WWC1: variants seen among roughly 807,000 people sequenced by gnomAD.
WWC1 encodes the protein WW and C2 domain containing 1, also known as protein KIBRA.
Under a neutral mutation model 138.4 loss-of-function variants are expected in WWC1, and 55 were observed. The ratio of observed to expected loss-of-function variants is 0.40; its 90% CI spans 0.32 to 0.50. WWC1 has a LOEUF of 0.50. Ranked by LOEUF, WWC1 falls within the 20% of genes least tolerant of loss-of-function variation. WWC1 has a pLI of 0.72. For missense variants in WWC1, 1,226 were observed against 1,420.4 expected, an observed-to-expected ratio of 0.86 and a Z score of 2.20; for synonymous variants, 524 against 564.9, an observed-to-expected ratio of 0.93 and a Z score of 1.03.
chr5:168,338,043 G>A (rs1043027401), intron 1 of WWC1, among the ~76,000 whole-genome samples: 5 of 152,128 alleles, frequency 3.3e-5, no homozygotes, highest in African/African-American at 9.7e-5. Flanking sequence ...AGGCGCAGGG[G>A]CTCATGCCTG....
intron 1 of WWC1, among the ~76,000 whole-genome samples, chr5:168,331,564 G>A (rs1376412083): frequency 6.6e-6 from 1 of 152,204 alleles, no homozygotes; most frequent in Admixed American, 6.5e-5. Context: ...AGATGAACTT[G>A]TTTGTTTTGC....
At chr5:168,396,654 A>G (rs1778924246) in intron 3 of WWC1, among the ~76,000 whole-genome samples, 1 of 152,204 alleles carries the variant, frequency 6.6e-6, no homozygotes, top group South Asian at 2.1e-4. Flanking sequence ...ACCAGTTATG[A>G]GGCTCAGAGC....
intron 18 of WWC1, among the ~76,000 whole-genome samples, chr5:168,455,014 G>A (rs1305407385): frequency 6.6e-6 from 1 of 152,228 alleles, no homozygotes; most frequent in Non-Finnish European, 1.5e-5. Context: ...TACTTGGTTT[G>A]TAAGTTTTGG....
chr5:168,371,623 G>C, intron 2 of WWC1, 90 bp downstream of exon 2: 2 of 850,564 alleles, frequency 2.4e-6, no homozygotes, highest in Non-Finnish European at 3.8e-6. Flanking sequence ...AGAACCACTT[G>C]CAGACTCTTG....
intron 19 of WWC1, among the ~76,000 whole-genome samples, chr5:168,458,698 T>A (rs1249687801): frequency 6.6e-6 from 1 of 152,220 alleles, no homozygotes; most frequent in Non-Finnish European, 1.5e-5. Flanking sequence ...ATTTCACTGC[T>A]CTCTGCATCA....
Position 168,406,277 on chromosome 5 carries a change from A to G in WWC1, c.670A>G (p.Ile224Val), listed in dbSNP as rs1306016143. The change falls in exon 6 of 23, where the codon ATC becomes GTC. Residue 224 changes from isoleucine (I) to valine (V), a missense_variant. Ile to Val is a conservative substitution (Grantham distance 29). This residue lies in a region of WWC1 where 1,016 missense variants were observed against 1,153.9 expected (regional missense o/e 0.88). Transcript: ENST00000265293. The part of the protein sequence containing the change: ...AQAVLRETKA[I>V]KKAITCGEKE... ...GGCTGTCTTGAGAGAAACAAAAGCC[A>G]TCAAAAAGGCTATTACCTGTGGGGA... 6.2e-7 allele frequency: 1 copy of G among 1,614,124 alleles called. No homozygotes were observed. The highest frequency in any genetic ancestry group is 8.5e-7 in the Non-Finnish European group (1 of 1,179,966).
rs539438852 is a variant in WWC1 at position 168,296,079 on chromosome 5, C to G, written c.119+3808C>G. On this transcript the variant is annotated intron_variant, in intron 1 of 22. Transcript: ENST00000265293. ...GTAACTCTGGGTGCTTTTGTGAGCT[C>G]TAGCGAAGGGGCCAGCGTCCTGTGT... Among the ~76,000 whole-genome samples the G allele has an allele frequency of 2.2e-4, 33 of 152,296 alleles. No homozygotes were observed. The East Asian group carries it at 5.2e-3, about 24-fold the overall frequency.
intron 1 of WWC1, among the ~76,000 whole-genome samples, chr5:168,293,007 C>G (rs1769200620): frequency 6.6e-6 from 1 of 152,192 alleles, no homozygotes; most frequent in Non-Finnish European, 1.5e-5. Flanking sequence ...TTTCTCCTCT[C>G]TTTCTTCCCT....
chr5:168,457,140 ATT>A (rs34063177), intron 19 of WWC1, among the ~76,000 whole-genome samples: 14,822 of 119,574 alleles, frequency 0.12, 1,332 homozygotes, highest in African/African-American at 0.28. Flanking sequence ...TAGAAAGGGC[ATT>A]TTTTTTTTTT....
chr5:168,403,362 G>C (rs567895076), intron 5 of WWC1, among the ~76,000 whole-genome samples: 5 of 152,242 alleles, frequency 3.3e-5, no homozygotes, highest in Non-Finnish European at 7.4e-5. Flanking sequence ...CTCCCAAAGT[G>C]CTGGGATTAC....
At chr5:168,428,933 C>A in intron 13 of WWC1, 146 bp downstream of exon 13, 1 of 725,484 alleles carries the variant, frequency 1.4e-6, no homozygotes, top group Non-Finnish European at 2.3e-6. Context: ...AGCTTCTTAA[C>A]TGAAGGGATG....
At chr5:168,335,645 T>G (rs1344059623) in intron 1 of WWC1, among the ~76,000 whole-genome samples, 2 of 152,216 alleles carry the variant, frequency 1.3e-5, no homozygotes, top group African/African-American at 4.8e-5. Flanking sequence ...GTGGAAGTGC[T>G]GGGATAGAAT....
At chr5:168,459,745 A>G (rs1756636659) in intron 19 of WWC1, among the ~76,000 whole-genome samples, 1 of 152,168 alleles carries the variant, frequency 6.6e-6, no homozygotes, top group Non-Finnish European at 1.5e-5. Flanking sequence ...ATTATCAATA[A>G]CCACAGAAAC....
intron 17 of WWC1, among the ~76,000 whole-genome samples, chr5:168,451,106 C>T (rs1425869381): frequency 2.0e-5 from 3 of 151,624 alleles, no homozygotes; most frequent in Non-Finnish European, 4.4e-5. Context: ...GCAATCTCCA[C>T]CTCCCGGATT....
chr5:168,417,768 A>G (rs143998394), intron 9 of WWC1, among the ~76,000 whole-genome samples: 228 of 152,264 alleles, frequency 1.5e-3, no homozygotes, highest in African/African-American at 5.3e-3. Context: ...CTTGGGGCAA[A>G]TGCAGTGGTA....
chr5:168,449,333 G>C (rs1010525729), intron 17 of WWC1, among the ~76,000 whole-genome samples: 3 of 152,168 alleles, frequency 2.0e-5, no homozygotes, highest in African/African-American at 7.2e-5. Context: ...AGTGGATCTA[G>C]ACAAACCTGT....
At chr5:168,297,158 G>T (rs1769608518) in intron 1 of WWC1, among the ~76,000 whole-genome samples, 1 of 152,218 alleles carries the variant, frequency 6.6e-6, no homozygotes, top group South Asian at 2.1e-4. Context: ...GGTAGGTAGG[G>T]CAGCAAGCCT....
intron 1 of WWC1, among the ~76,000 whole-genome samples, chr5:168,330,081 G>A (rs899971238): frequency 2.0e-5 from 3 of 152,202 alleles, no homozygotes; most frequent in African/African-American, 7.2e-5. Flanking sequence ...CTGCACCCCA[G>A]CCTGGGTGAC....
chr5:168,428,825 T>G, intron 13 of WWC1, 38 bp downstream of exon 13: 7 of 1,607,814 alleles, frequency 4.4e-6, no homozygotes, highest in African/African-American at 1.3e-5. Flanking sequence ...AGGAACGGTC[T>G]GTGTGGGGTC....
Sources: gnomAD v4.1 joint callset for allele counts (sites outside exome capture counted in the v4.1 genomes callset) on GRCh38, gnomAD v4.1.1 for gene constraint, gnomAD v4.1.1 regional missense constraint, MANE v1.5 for transcripts, NCBI Gene and HGNC (gene_info 2026-07-23, HGNC 2026-07-21) for gene names.